Variants in FMR1 observed in about 807,000 individuals in gnomAD.
The protein encoded by FMR1 is fragile X messenger ribonucleoprotein 1.
A neutral mutation model predicts 50.6 loss-of-function variants in FMR1; 13 were observed. That is an observed-to-expected ratio of 0.26 (90% confidence interval 0.17 to 0.41). FMR1 has a LOEUF of 0.41. Among genes scored for constraint, FMR1 ranks in the 10% least tolerant of loss-of-function variants. FMR1 has a pLI of 1.00. For synonymous variants in FMR1, 138 were observed against 164.1 expected (o/e 0.84, Z 1.22); for missense variants, 316 against 491.3 (o/e 0.64, Z 3.37).
Position 147,929,962 on chromosome X carries a change from C to A in FMR1, c.434C>A (p.Ala145Glu). ...TAAATTTCTAGGTGTGCCAAAGAGG[C>A]GGCACATAAGGATTTTAAAAAGGCA... ...EDLRQMCAKEAAHKDFKKAVG... is the reference protein window; with the variant it reads ...EDLRQMCAKEEAHKDFKKAVG... The change falls in exon 6 of 17, where the codon GCG (alanine) becomes GAG (glutamate). Residue 145 changes from alanine to glutamate, a missense_variant. By Grantham distance (107) the Ala-to-Glu change is moderately radical. Transcript: ENST00000370475. 1 of 1,192,603 alleles carries A rather than the reference C, an allele frequency of 8.4e-7. No homozygotes were observed. Among genetic ancestry groups the A allele is most frequent in the Non-Finnish European group, 1.1e-6 (1 of 879,689 alleles).
intron 3 of FMR1, among the ~76,000 whole-genome samples, chrX:147,926,581 G>A (rs1398243285): frequency 7.3e-5 from 8 of 110,327 alleles, no homozygotes; most frequent in Non-Finnish European, 1.3e-4. Context: ...TCCGCCTCCC[G>A]GGTTCTAGCG....
In FMR1 at chrX:147,929,957, A is replaced by G; in HGVS notation, c.429A>G (p.Lys143=). The G allele has an allele frequency of 8.4e-7, 1 of 1,192,082 alleles. No individual in the cohort carries two copies. The highest frequency in any genetic ancestry group is 1.1e-6 in the Non-Finnish European group (1 of 878,556). The change falls in exon 6 of 17, where the codon AAA becomes AAG. Residue 143 remains lysine (K), a synonymous_variant. Coordinates refer to ENST00000370475, the MANE Select transcript of FMR1 (RefSeq NM_002024.6). Reference sequence around the variant, plus strand: ...TTTTTTAAATTTCTAGGTGTGCCAAAGAGGCGGCACATAAGGATTTTAAAA... The same window carrying G: ...TTTTTTAAATTTCTAGGTGTGCCAAGGAGGCGGCACATAAGGATTTTAAAA... ...VPEDLRQMCA[K]EAAHKDFKKA...
In FMR1 at chrX:147,945,593, A is replaced by C; in HGVS notation, c.1714A>C (p.Arg572=). 7.5e-6 allele frequency: 9 copies of C among 1,204,004 alleles called. No individual in the cohort carries two copies. The highest frequency in any genetic ancestry group is 9.0e-6 in the Non-Finnish European group (8 of 888,136). Residue 572 remains arginine (R), a synonymous_variant, in exon 16 of 17, where the codon AGA becomes CGA. Coordinates refer to ENST00000370475, the MANE Select transcript of FMR1 (RefSeq NM_002024.6). ...RPRNPREAKG[R]TTDGSLQIRV... The stretch of plus-strand genomic sequence containing the variant: ...ACGTAATCCAAGAGAGGCTAAAGGA[A>C]GAACAACAGATGGATCCCTTCAGGT...
intron 2 of FMR1, among the ~76,000 whole-genome samples, chrX:147,924,137 T>A (rs2043295213): frequency 9.0e-6 from 1 of 111,595 alleles, no homozygotes; most frequent in South Asian, 3.7e-4. Context: ...TATTATTATA[T>A]GCTTTAAAAT....
chrX:147,925,780 C>G, intron 3 of FMR1, 147 bp downstream of exon 3: 1 of 491,457 alleles, frequency 2.0e-6, no homozygotes, highest in South Asian at 2.9e-5. Context: ...ACTAACTCAT[C>G]TTATTAATAA....
intron 2 of FMR1, among the ~76,000 whole-genome samples, chrX:147,924,032 G>T (rs782079190): frequency 1.9e-4 from 21 of 111,396 alleles, no homozygotes; most frequent in Non-Finnish European, 3.2e-4. Flanking sequence ...AAGCATAAAG[G>T]TGTTTTCATA....
intron 14 of FMR1, 160 bp from the exon 15 acceptor site, chrX:147,944,709 A>T: frequency 9.5e-7 from 1 of 1,051,687 alleles, no homozygotes; most frequent in Non-Finnish European, 1.2e-6. Context: ...TTGAGTTTAA[A>T]ATTTTGTTTT....
intron 7 of FMR1, 69 bp from the exon 8 acceptor site, chrX:147,932,356 T>C (rs1224484708): frequency 2.0e-6 from 2 of 1,004,994 alleles, no homozygotes; most frequent in Non-Finnish European, 2.8e-6. Context: ...ATAATTTACA[T>C]GGCTGGCCTA....
chrX:147,942,519 G>A (rs1017413107), intron 13 of FMR1, among the ~76,000 whole-genome samples: 1 of 112,366 alleles, frequency 8.9e-6, no homozygotes, highest in Non-Finnish European at 1.9e-5. Context: ...AGACCTAGCT[G>A]TCTGGTCAGC....
chrX:147,917,258 T>A (rs781795787), intron 1 of FMR1, among the ~76,000 whole-genome samples: 3 of 112,021 alleles, frequency 2.7e-5, no homozygotes, highest in African/African-American at 9.8e-5. Flanking sequence ...ATGTGAGGTG[T>A]CGCTGGGGAG....
chrX:147,934,104 T>A (rs1569545790), intron 9 of FMR1, among the ~76,000 whole-genome samples: 2 of 112,241 alleles, frequency 1.8e-5, no homozygotes, highest in Non-Finnish European at 3.8e-5. Flanking sequence ...TAATATTTAT[T>A]TTCTTCTTTA....
At chrX:147,941,755 G>A (rs2044014389) in intron 13 of FMR1, among the ~76,000 whole-genome samples, 2 of 112,011 alleles carry the variant, frequency 1.8e-5, no homozygotes, top group South Asian at 7.4e-4. Context: ...TGAAGGCCTG[G>A]AGAGTTAGGA....
chrX:147,933,557 A>G, intron 9 of FMR1: 5 of 903,085 alleles, frequency 5.5e-6, no homozygotes, highest in Non-Finnish European at 6.9e-6. Context: ...ATCAGCAAAT[A>G]TTTAGGAGCT....
chrX:147,926,039 T>G (rs181503214), intron 3 of FMR1, among the ~76,000 whole-genome samples: 1 of 112,539 alleles, frequency 8.9e-6, no homozygotes, highest in East Asian at 2.8e-4. Context: ...TAGAATTTCT[T>G]TAAGTAGCAG....
intron 7 of FMR1, 100 bp downstream of exon 7, chrX:147,930,344 C>T: frequency 1.7e-6 from 1 of 581,850 alleles, no homozygotes; most frequent in Non-Finnish European, 3.0e-6. Flanking sequence ...TTATTTACTG[C>T]TTCTTAACAA....
At chrX:147,941,673 AT>A (rs201515036) in intron 13 of FMR1, among the ~76,000 whole-genome samples, 1 of 92,596 alleles carries the variant, frequency 1.1e-5, no homozygotes, top group African/African-American at 4.0e-5. Context: ...TACCTCTTTG[AT>A]TTTTTTTTAA....
At chrX:147,915,101 T>G (rs782435338) in intron 1 of FMR1, among the ~76,000 whole-genome samples, 2 of 111,986 alleles carry the variant, frequency 1.8e-5, no homozygotes, top group South Asian at 7.3e-4. Flanking sequence ...TGTTGTAATA[T>G]GGTGTAATTA....
intron 1 of FMR1, among the ~76,000 whole-genome samples, chrX:147,921,000 C>T (rs192512502): frequency 8.0e-4 from 89 of 111,582 alleles, no homozygotes; most frequent in African/African-American, 2.5e-3. Flanking sequence ...CCTTTTACAG[C>T]GGGAGAAGGA....
intron 1 of FMR1, among the ~76,000 whole-genome samples, chrX:147,921,405 T>G (rs189103352): frequency 9.0e-6 from 1 of 111,176 alleles, no homozygotes; most frequent in Admixed American, 9.6e-5. Flanking sequence ...ACTGGACTTT[T>G]TAGTGTTGTT....
Sources: allele counts gnomAD v4.1 joint callset (sites outside exome capture counted in the v4.1 genomes callset), GRCh38; gene constraint gnomAD v4.1.1; transcripts MANE v1.5; gene names NCBI Gene and HGNC (gene_info 2026-07-23, HGNC 2026-07-21).